Variants in PDE11A observed in about 807,000 individuals in gnomAD.
The protein encoded by PDE11A is dual 3',5'-cyclic-AMP and -GMP phosphodiesterase 11A.
A neutral mutation model predicts 100.5 loss-of-function variants in PDE11A; 100 were observed. That is an observed-to-expected ratio of 1.00 (90% CI 0.85 to 1.18). PDE11A has a LOEUF of 1.18. PDE11A is among the 50% of genes most tolerant of loss of function. The pLI is 0.00. For synonymous variants in PDE11A, 381 were observed against 420.8 expected (o/e 0.91, Z 1.16); for missense variants, 1,141 against 1,152.6 (o/e 0.99, Z 0.15).
At chr2:177,720,548 G>A (rs1031996379) in intron 12 of PDE11A, among the ~76,000 whole-genome samples, 4 of 152,050 alleles carry the variant, frequency 2.6e-5, no homozygotes, top group Non-Finnish European at 4.4e-5. Flanking sequence ...GAGAAAAGGG[G>A]GCACCTTAGC....
At chr2:177,846,621 G>A (rs988864839) in intron 5 of PDE11A, among the ~76,000 whole-genome samples, 1 of 152,188 alleles carries the variant, frequency 6.6e-6, no homozygotes, top group Non-Finnish European at 1.5e-5. Context: ...TAAGATCACA[G>A]ACACAGCCAC....
Position 178,072,695 on chromosome 2 carries a change from CCCCGGCT to C in PDE11A, c.-265_-259del. 7.1e-7 allele frequency: 1 copy of C among 1,403,514 alleles called. No individual in the cohort carries two copies. The highest frequency in any genetic ancestry group is 1.5e-5 in the South Asian group (1 of 66,910). The allele number at this position is 1,403,514 out of a possible 1,614,324, so 86.9% of individuals were successfully genotyped here. A position where few individuals can be genotyped will look rare whatever the true frequency, so the allele number is the denominator to read the frequency against. On this transcript the variant is annotated 5_prime_UTR_variant, in exon 1 of 20. Coordinates refer to ENST00000286063, the MANE Select transcript of PDE11A (RefSeq NM_016953.4). ...GCCCAGCACTGAGCTGCCGCCGCTGCCCCGGCTCCTGTTCCGGAAACCCGAGCTATCG... is the reference window on the plus strand; with the variant it reads ...GCCCAGCACTGAGCTGCCGCCGCTGCCCTGTTCCGGAAACCCGAGCTATCG...
At chr2:177,743,527 G>C (rs1034557099) in intron 10 of PDE11A, among the ~76,000 whole-genome samples, 2 of 152,190 alleles carry the variant, frequency 1.3e-5, no homozygotes. Flanking sequence ...AAAGGGTACA[G>C]GGTAGAGATG....
intron 2 of PDE11A, among the ~76,000 whole-genome samples, chr2:177,923,841 A>G (rs1286443961): frequency 6.6e-6 from 1 of 152,206 alleles, no homozygotes; most frequent in African/African-American, 2.4e-5. Flanking sequence ...ATATTCCGGA[A>G]TTCTTAAGAA....
In PDE11A at chr2:177,830,758, G is replaced by A. The variant is rs138463253; in HGVS notation, c.1500+9493C>T. Among the ~76,000 whole-genome samples the A allele has an allele frequency of 1.6e-4, 25 of 151,802 alleles. 1 individual carries two copies. The East Asian group carries it at 4.5e-3, about 27-fold the overall frequency. On this transcript the variant is annotated intron_variant, in intron 6 of 19. Coordinates refer to ENST00000286063, the MANE Select transcript of PDE11A (RefSeq NM_016953.4). Reference sequence around the variant, plus strand: ...CTTCAGAAACACACATGGATACCCTGTTCCCATGGAGCAGATGACTGATAA... The same window carrying A: ...CTTCAGAAACACACATGGATACCCTATTCCCATGGAGCAGATGACTGATAA...
chr2:177,716,536 T>C (rs1372383155), intron 12 of PDE11A, among the ~76,000 whole-genome samples: 1 of 152,210 alleles, frequency 6.6e-6, no homozygotes, highest in Non-Finnish European at 1.5e-5. Flanking sequence ...TATTTGAGGA[T>C]GATTTTTGAG....
chr2:177,924,003 C>A (rs992743413), intron 2 of PDE11A, among the ~76,000 whole-genome samples: 6 of 152,156 alleles, frequency 3.9e-5, no homozygotes, highest in African/African-American at 1.4e-4. Flanking sequence ...TATATAAAGA[C>A]ATATATTCAC....
intron 2 of PDE11A, among the ~76,000 whole-genome samples, chr2:177,983,078 G>GA (rs973507849): frequency 3.3e-5 from 5 of 150,150 alleles, no homozygotes; most frequent in African/African-American, 1.2e-4. Context: ...CCTGTCTCAA[G>GA]AAAAAAATCA....
chr2:177,894,148 T>C (rs2084573585), intron 4 of PDE11A, among the ~76,000 whole-genome samples: 1 of 152,206 alleles, frequency 6.6e-6, no homozygotes, highest in Admixed American at 6.5e-5. Flanking sequence ...CTTTCTATAA[T>C]TTCTACTGTA....
intron 1 of PDE11A, among the ~76,000 whole-genome samples, chr2:178,061,619 G>A (rs986394274): frequency 3.9e-4 from 59 of 152,268 alleles, no homozygotes; most frequent in Admixed American, 5.9e-4. Flanking sequence ...AAAGAGAGGA[G>A]GTGGCTCGGA....
At position 177,625,036 on chromosome 2, in the gene PDE11A, C is replaced by T. The variant is rs1475213189; in HGVS notation, c.*4371G>A. 6.6e-6 allele frequency: 1 copy of T among 152,472 alleles called. No homozygotes were observed. Among genetic ancestry groups the T allele is most frequent in the Non-Finnish European group, 1.5e-5 (1 of 68,054 alleles). The allele number at this position is 152,472 out of a possible 1,614,324, so 9.4% of individuals were successfully genotyped here. On this transcript the variant is annotated 3_prime_UTR_variant, in exon 20 of 20. Transcript: ENST00000286063. ...CAGTGGCTGTGATTGTGCCACTGCC[C>T]TCCAGCCTGGGTGACAGAGCAAGAC... is the stretch of plus-strand genomic sequence containing the variant.
chr2:177,673,715 TCAC>T (rs2080722349), intron 17 of PDE11A, among the ~76,000 whole-genome samples: 1 of 152,188 alleles, frequency 6.6e-6, no homozygotes, highest in East Asian at 1.9e-4. Context: ...GGAGAATGAA[TCAC>T]ATTTTTGGTG....
chr2:178,046,080 A>G (rs887590618), intron 1 of PDE11A, among the ~76,000 whole-genome samples: 1 of 152,212 alleles, frequency 6.6e-6, no homozygotes, highest in African/African-American at 2.4e-5. Flanking sequence ...CCTCACATGT[A>G]AAATGTAGGA....
rs752171199 is a variant in PDE11A, at chr2:177,711,866, G to A, written c.2056C>T (p.Gln686Ter). ...MFAMLTTAGF[Q>*]DILTEVEILA... ...ATTTCCACCTCGGTCAGAATGTCTTGAAACCCAGCAGTCTGGGAAGAAGGG... is the reference window on the plus strand; with the variant it reads ...ATTTCCACCTCGGTCAGAATGTCTTAAAACCCAGCAGTCTGGGAAGAAGGG... The change falls in exon 13 of 20, where the codon CAA becomes TAA. Residue 686 changes from glutamine (Q) to a stop codon, truncating the protein, a stop_gained. Coordinates refer to ENST00000286063, the MANE Select transcript of PDE11A (RefSeq NM_016953.4). LOFTEE classifies it high-confidence loss of function. 15 of 1,603,816 alleles carry A rather than the reference G, an allele frequency of 9.4e-6. No homozygotes were observed. The Middle Eastern group carries it at 5.0e-4, about 53-fold the overall frequency.
At chr2:178,099,201 A>G (rs1032478910) in intron 2 of PDE11A, among the ~76,000 whole-genome samples, 3 of 152,188 alleles carry the variant, frequency 2.0e-5, no homozygotes, top group Non-Finnish European at 4.4e-5. Context: ...CGAGGCGGGC[A>G]GATCACTTGA....
chr2:177,745,431 C>T, intron 10 of PDE11A, among the ~76,000 whole-genome samples: 1 of 152,208 alleles, frequency 6.6e-6, no homozygotes, highest in Non-Finnish European at 1.5e-5. Flanking sequence ...GAGAAAGCAT[C>T]AACTCAGATT....
chr2:178,035,727 A>G (rs921194029), intron 1 of PDE11A, among the ~76,000 whole-genome samples: 1 of 152,196 alleles, frequency 6.6e-6, no homozygotes, highest in African/African-American at 2.4e-5. Flanking sequence ...TTCAACATAC[A>G]CAAATCAATA....
chr2:177,977,302 A>C (rs2085822237), intron 2 of PDE11A, among the ~76,000 whole-genome samples: 1 of 145,852 alleles, frequency 6.9e-6, no homozygotes, highest in South Asian at 2.3e-4. Flanking sequence ...AACAACAGAC[A>C]AACAGAGAGC....
chr2:177,966,947 A>T (rs745960346), intron 2 of PDE11A, among the ~76,000 whole-genome samples: 6 of 152,074 alleles, frequency 3.9e-5, no homozygotes, highest in Non-Finnish European at 8.8e-5. Flanking sequence ...TTCTTTATAC[A>T]TCTGGTAGAA....
Sources: gnomAD v4.1 joint callset for allele counts (sites outside exome capture counted in the v4.1 genomes callset) on GRCh38, gnomAD v4.1.1 for gene constraint, MANE v1.5 for transcripts, NCBI Gene and HGNC (gene_info 2026-07-23, HGNC 2026-07-21) for gene names.